ZNF652: variants seen among roughly 807,000 people sequenced by gnomAD.
The protein encoded by ZNF652 is zinc finger protein 652.
A neutral mutation model predicts 45.2 loss-of-function variants in ZNF652; 16 were observed. The ratio of observed to expected loss-of-function variants is 0.35; its 90% confidence interval spans 0.24 to 0.54. The LOEUF (loss-of-function observed/expected upper bound fraction) is 0.54. Ranked by LOEUF, ZNF652 falls within the 20% of genes least tolerant of loss-of-function variation. The probability of loss-of-function intolerance (pLI) is 0.91; values close to 1 mark genes in which losing one functional copy is unlikely to be tolerated. For missense variants in ZNF652, 614 were observed against 765.6 expected, an observed-to-expected ratio of 0.80 and a Z score of 2.34; for synonymous variants, 250 against 260.6, an observed-to-expected ratio of 0.96 and a Z score of 0.39.
intron 1 of ZNF652, among the ~76,000 whole-genome samples, chr17:49,349,108 A>C (rs1294029692): frequency 1.3e-5 from 2 of 152,180 alleles, no homozygotes; most frequent in African/African-American, 2.4e-5. Flanking sequence ...CCTCTGCCAT[A>C]AACTAAACTG....
intron 1 of ZNF652, among the ~76,000 whole-genome samples, chr17:49,321,422 C>CTTTTTTTTTTTTTT (rs11350404): frequency 1.9e-4 from 14 of 73,232 alleles, no homozygotes; most frequent in East Asian, 4.0e-4. Flanking sequence ...CACCACCACG[C>CTTTTTTTTTTTTTT]TTTTTTTTTT....
chr17:49,301,199 T>C (rs2069547584), intron 5 of ZNF652, among the ~76,000 whole-genome samples: 1 of 152,326 alleles, frequency 6.6e-6, no homozygotes, highest in Admixed American at 6.5e-5. Context: ...GCCTCTTCCA[T>C]GGAAGCCAGA....
chr17:49,355,767 G>A (rs772777929), intron 1 of ZNF652, among the ~76,000 whole-genome samples: 5 of 151,706 alleles, frequency 3.3e-5, no homozygotes, highest in South Asian at 2.1e-4. Context: ...GCATGGTGGC[G>A]GGCACCTGTA....
At chr17:49,325,399 C>A (rs2069946221) in intron 1 of ZNF652, among the ~76,000 whole-genome samples, 2 of 152,262 alleles carry the variant, frequency 1.3e-5, no homozygotes, top group Admixed American at 6.5e-5. Flanking sequence ...AGTATGGTTT[C>A]TAGCACCCCA....
chr17:49,303,887 CTTTT>C (rs891788616), intron 5 of ZNF652, among the ~76,000 whole-genome samples: 1 of 149,904 alleles, frequency 6.7e-6, no homozygotes, highest in Non-Finnish European at 1.5e-5. Flanking sequence ...TTGCAGTCTT[CTTTT>C]TTTTTGTTTT....
chr17:49,351,608 G>A (rs1052646495), intron 1 of ZNF652, among the ~76,000 whole-genome samples: 4 of 151,994 alleles, frequency 2.6e-5, no homozygotes, highest in African/African-American at 9.7e-5. Flanking sequence ...CGCTCATATT[G>A]AGAGATGTCT....
intron 1 of ZNF652, among the ~76,000 whole-genome samples, chr17:49,361,468 C>CG (rs999039941): frequency 1.3e-5 from 2 of 151,990 alleles, no homozygotes; most frequent in African/African-American, 4.8e-5. Flanking sequence ...ACAATACTCC[C>CG]GGGGGTTGGA....
chr17:49,309,812 C>G lies in ZNF652; in HGVS notation c.1309+1500G>C, dbSNP rs770202863. On this transcript the variant is annotated intron_variant, in intron 5 of 5. Coordinates refer to ENST00000430262, the MANE Select transcript of ZNF652 (RefSeq NM_001145365.3). ...CCTTAAAATCTGAGGGTGCTCTGTT[C>G]TGAATGAGAAAGAAGCCCATTAGGT... 9.5e-4 allele frequency among the ~76,000 whole-genome samples: 144 copies of G among 152,154 alleles called. 1 individual carries two copies. The highest frequency in any genetic ancestry group is 1.0e-3 in the Admixed American group (16 of 15,272).
downstream of ZNF652, among the ~76,000 whole-genome samples, chr17:49,288,681 A>G (rs1417042406): frequency 1.3e-5 from 2 of 152,234 alleles, no homozygotes; most frequent in African/African-American, 4.8e-5. Flanking sequence ...CAGTGGCCAG[A>G]TCAATGTCCA....
Position 49,298,087 on chromosome 17 carries a change from G to A in ZNF652, c.*326C>T. The A allele has an allele frequency of 3.3e-6, 1 of 305,128 alleles. No homozygotes were observed. Among genetic ancestry groups the A allele is most frequent in the South Asian group, 3.9e-5 (1 of 25,486 alleles). The allele number at this position is 305,128 out of a possible 1,614,324, so 18.9% of individuals were successfully genotyped here. A position where few individuals can be genotyped will look rare whatever the true frequency, so the allele number is the denominator to read the frequency against. On this transcript the variant is annotated 3_prime_UTR_variant, in exon 6 of 6. Transcript: ENST00000430262. Reference sequence around the variant, plus strand: ...ATCCCCTCTTTGAGGAGAAGTCTGGGATATAAAAGCAAGCATACCTCATCA... The same window carrying A: ...ATCCCCTCTTTGAGGAGAAGTCTGGAATATAAAAGCAAGCATACCTCATCA...
chr17:49,336,036 T>C (rs79952520), intron 1 of ZNF652, among the ~76,000 whole-genome samples: 5 of 152,126 alleles, frequency 3.3e-5, no homozygotes, highest in Non-Finnish European at 7.4e-5. Context: ...TTTTTTTTTT[T>C]TGTTTTGATA....
Position 49,317,472 on chromosome 17 carries a change from CTT to C in ZNF652, c.252_253del (p.Arg85SerfsTer4), listed in dbSNP as rs764393113. ...AACAGCATGCACGTCAGACACTGCT[CTT>C]GTCTCCCTGAAATATGGCTGTTCTT... On this transcript the variant is annotated frameshift_variant, in exon 2 of 6. Transcript: ENST00000430262. LOFTEE classifies it high-confidence loss of function. The C allele has an allele frequency of 3.1e-6, 5 of 1,614,162 alleles. No individual in the cohort carries two copies. Among genetic ancestry groups the C allele is most frequent in the Non-Finnish European group, 2.5e-6 (3 of 1,180,044 alleles).
At chr17:49,304,816 GC>G (rs2069604824) in intron 5 of ZNF652, among the ~76,000 whole-genome samples, 1 of 151,586 alleles carries the variant, frequency 6.6e-6, no homozygotes, top group Non-Finnish European at 1.5e-5. Context: ...ATAAACACAA[GC>G]ATTCCAGTCT....
intron 1 of ZNF652, among the ~76,000 whole-genome samples, chr17:49,338,839 T>C (rs546860619): frequency 6.6e-6 from 1 of 151,590 alleles, no homozygotes; most frequent in Non-Finnish European, 1.5e-5. Flanking sequence ...AGGATAACAA[T>C]GAAGAAAGAA....
chr17:49,338,514 C>T (rs1036428368), intron 1 of ZNF652, among the ~76,000 whole-genome samples: 1 of 152,150 alleles, frequency 6.6e-6, no homozygotes, highest in Non-Finnish European at 1.5e-5. Flanking sequence ...TAGACTGAGG[C>T]GTCTTGTTAC....
intron 5 of ZNF652, among the ~76,000 whole-genome samples, chr17:49,307,985 GT>G (rs2069656126): frequency 6.6e-6 from 1 of 151,920 alleles, no homozygotes; most frequent in African/African-American, 2.4e-5. Flanking sequence ...CCCAACATTT[GT>G]TTTTACTATA....
At chr17:49,312,940 C>T in intron 2 of ZNF652, 95 bp from the exon 3 acceptor site, 1 of 1,267,126 alleles carries the variant, frequency 7.9e-7, no homozygotes. Context: ...AGGTTCATGG[C>T]ACAAGGCCAG....
chr17:49,303,797 G>C lies in ZNF652; in HGVS notation c.1310-4873C>G, dbSNP rs148740303. On this transcript the variant is annotated intron_variant, in intron 5 of 5. Coordinates refer to ENST00000430262, the MANE Select transcript of ZNF652 (RefSeq NM_001145365.3). ...TACTCACAGACAGAATGGATTCCCTGAGCAGTTACTGAATGTATGGATGTT... is the reference window on the plus strand; with the variant it reads ...TACTCACAGACAGAATGGATTCCCTCAGCAGTTACTGAATGTATGGATGTT... 1.2e-3 allele frequency among the ~76,000 whole-genome samples: 182 copies of C among 152,124 alleles called. 1 individual carries two copies. The highest frequency in any genetic ancestry group is 2.2e-3 in the Non-Finnish European group (150 of 67,992).
rs72835478 is a variant in ZNF652, at chr17:49,292,119, C to T, written c.*6294G>A. 0.015 allele frequency among the ~76,000 whole-genome samples: 2,343 copies of T among 152,114 alleles called. 32 individuals carry two copies. The highest frequency in any genetic ancestry group is 0.025 in the Non-Finnish European group (1,691 of 68,008). On this transcript the variant is annotated 3_prime_UTR_variant, in exon 6 of 6. Transcript: ENST00000430262. The stretch of plus-strand genomic sequence containing the variant: ...AGGAAAAGGACATGAGATTTTAAGT[C>T]AGAAAGGAAAAATGCTGACTAAGGC...
Sources: allele counts gnomAD v4.1 joint callset (sites outside exome capture counted in the v4.1 genomes callset), GRCh38; gene constraint gnomAD v4.1.1; transcripts MANE v1.5; gene names NCBI Gene and HGNC (gene_info 2026-07-23, HGNC 2026-07-21).